MSH3: variants seen among roughly 807,000 people sequenced by gnomAD.
The protein encoded by MSH3 is mutS homolog 3.
MSH3 carries 106 observed loss-of-function variants against 123.3 expected under a neutral mutation model. The ratio of observed to expected loss-of-function variants is 0.86; its 90% CI spans 0.73 to 1.01. The LOEUF (loss-of-function observed/expected upper bound fraction) is 1.01, where lower values mean the gene tolerates loss of function less well. MSH3 is among the 50% of genes least tolerant of loss of function. The pLI, the probability that MSH3 is intolerant of heterozygous loss-of-function variation, is 0.00. For missense variants in MSH3, 1,459 were observed against 1,347.6 expected (o/e 1.08, Z -1.29); for synonymous variants, 515 against 481.4 (o/e 1.07, Z -0.91).
Position 80,776,926 on chromosome 5 carries a change from A to ATTTT in MSH3, c.2318+1169_2318+1170insTTTT, listed in dbSNP as rs1317745365. Among the ~76,000 whole-genome samples, 66 of 126,876 alleles carry ATTTT rather than the reference A, an allele frequency of 5.2e-4. No individual in the cohort carries two copies. The East Asian group carries it at 8.8e-3, about 17-fold the overall frequency. The allele number at this position is 126,876 out of a possible 152,430, so 83.2% of individuals were successfully genotyped here. On this transcript the variant is annotated intron_variant, in intron 16 of 23. Coordinates refer to ENST00000265081, the MANE Select transcript of MSH3 (RefSeq NM_002439.5). ...ATATAATACAAATATATATATATAT[A>ATTTT]TATTTTTTTTTTTTCTTTTTTTTAA...
chr5:80,818,688 T>A (rs1484287869), intron 20 of MSH3, among the ~76,000 whole-genome samples: 3 of 152,182 alleles, frequency 2.0e-5, no homozygotes, highest in African/African-American at 7.2e-5. Flanking sequence ...TAGTGATACA[T>A]GCTAAAATGT....
intron 20 of MSH3, among the ~76,000 whole-genome samples, chr5:80,848,603 A>T (rs999444101): frequency 6.6e-5 from 10 of 152,318 alleles, no homozygotes; most frequent in African/African-American, 2.2e-4. Context: ...TCTTATGTGG[A>T]TGGCAGCAGG....
chr5:80,772,954 C>A (rs1744237375), intron 15 of MSH3, among the ~76,000 whole-genome samples: 1 of 152,118 alleles, frequency 6.6e-6, no homozygotes, highest in African/African-American at 2.4e-5. Context: ...TCGCTGTTTT[C>A]CCCCCTGCAG....
intron 22 of MSH3, among the ~76,000 whole-genome samples, chr5:80,866,571 C>T (rs1342161092): frequency 1.3e-5 from 2 of 152,152 alleles, no homozygotes; most frequent in Admixed American, 1.3e-4. Flanking sequence ...TCAACACTTC[C>T]CCTTTCTGTT....
At chr5:80,828,295 C>A (rs1168443109) in intron 20 of MSH3, among the ~76,000 whole-genome samples, 2 of 152,130 alleles carry the variant, frequency 1.3e-5, no homozygotes, top group Admixed American at 6.5e-5. Context: ...GTAACCCACT[C>A]CTATGATAAC....
chr5:80,685,329 T>C (rs1750063434), intron 8 of MSH3, among the ~76,000 whole-genome samples: 1 of 151,810 alleles, frequency 6.6e-6, no homozygotes, highest in Non-Finnish European at 1.5e-5. Flanking sequence ...GACTTTATTA[T>C]GGCTTCAATC....
chr5:80,809,800 A>G (rs1259652369), intron 19 of MSH3, among the ~76,000 whole-genome samples: 2 of 152,198 alleles, frequency 1.3e-5, no homozygotes, highest in Non-Finnish European at 2.9e-5. Flanking sequence ...ACAAAATGTC[A>G]TTTGGAAGTT....
chr5:80,866,916 A>C (rs992182211), intron 22 of MSH3, among the ~76,000 whole-genome samples: 2 of 152,116 alleles, frequency 1.3e-5, no homozygotes, highest in African/African-American at 4.8e-5. Context: ...ATCTTCCTGT[A>C]CCCTCAGATA....
chr5:80,679,009 C>G lies in MSH3; in HGVS notation c.1256C>G (p.Ser419Ter), dbSNP rs578113271. 6 of 1,614,014 alleles carry G rather than the reference C, an allele frequency of 3.7e-6. No individual in the cohort carries two copies. The highest frequency in any genetic ancestry group is 5.1e-6 in the Non-Finnish European group (6 of 1,180,018). ...CGTTCAGAGCTAGAAACCCGGATGT[C>G]AAGCCTGCAGCCAGTAGAGCTGCTG... Reference protein sequence around the residue: ...ASRSELETRMSSLQPVELLLP... With the variant: ...ASRSELETRM Residue 419 changes from serine (S) to a stop codon, truncating the protein, a stop_gained, in exon 8 of 24, where the codon TCA becomes TGA. Coordinates refer to ENST00000265081, the MANE Select transcript of MSH3 (RefSeq NM_002439.5). LOFTEE classifies it high-confidence loss of function.
intron 8 of MSH3, among the ~76,000 whole-genome samples, chr5:80,683,190 A>G (rs955682826): frequency 1.3e-5 from 2 of 152,160 alleles, no homozygotes; most frequent in Non-Finnish European, 2.9e-5. Flanking sequence ...TCTCTTCTAT[A>G]TACTGATTTC....
chr5:80,872,465 T>C (rs368503238), intron 22 of MSH3, among the ~76,000 whole-genome samples: 43 of 152,190 alleles, frequency 2.8e-4, no homozygotes, highest in African/African-American at 9.9e-4. Flanking sequence ...TCAGACCCTG[T>C]CTCAGAAACA....
At chr5:80,746,764 C>T in intron 12 of MSH3, 1 of 399,582 alleles carries the variant, frequency 2.5e-6, no homozygotes, top group South Asian at 2.2e-5. Context: ...GATTGTTTGG[C>T]AATTTCCACA....
chr5:80,668,457 C>T (rs1246650743), intron 3 of MSH3, among the ~76,000 whole-genome samples: 1 of 152,162 alleles, frequency 6.6e-6, no homozygotes, highest in East Asian at 1.9e-4. Context: ...CTGAGCTGCC[C>T]TCAGCCCTCT....
At chr5:80,719,655 G>A (rs927883198) in intron 8 of MSH3, among the ~76,000 whole-genome samples, 4 of 152,076 alleles carry the variant, frequency 2.6e-5, no homozygotes, top group East Asian at 1.9e-4. Flanking sequence ...AAGGTCTTAC[G>A]TTTCTTCCCC....
chr5:80,679,241 A>G (rs531090394), intron 8 of MSH3, 148 bp downstream of exon 8: 69 of 878,344 alleles, frequency 7.9e-5, no homozygotes, highest in Middle Eastern at 3.5e-4. Context: ...AAAAAAAGTA[A>G]AACAACAAAG....
At chr5:80,683,295 A>G (rs1376217739) in intron 8 of MSH3, among the ~76,000 whole-genome samples, 1 of 152,036 alleles carries the variant, frequency 6.6e-6, no homozygotes, top group Non-Finnish European at 1.5e-5. Context: ...ACTACTCTCC[A>G]TAGTGGTTGT....
chr5:80,709,208 T>C (rs1750789525), intron 8 of MSH3, among the ~76,000 whole-genome samples: 2 of 127,396 alleles, frequency 1.6e-5, no homozygotes, highest in South Asian at 5.3e-4. Flanking sequence ...ATAAAATAGA[T>C]ATGTGTGTGT....
At chr5:80,840,703 G>A (rs987975933) in intron 20 of MSH3, among the ~76,000 whole-genome samples, 2 of 151,788 alleles carry the variant, frequency 1.3e-5, no homozygotes, top group South Asian at 2.1e-4. Flanking sequence ...CCATCAACTC[G>A]TCATTTACGT....
At chr5:80,864,639 T>G (rs1455067802) in intron 21 of MSH3, among the ~76,000 whole-genome samples, 174 bp from the exon 22 acceptor site, 1 of 152,180 alleles carries the variant, frequency 6.6e-6, no homozygotes, top group Non-Finnish European at 1.5e-5. Context: ...AAGGGAAATA[T>G]GGTAAAATAT....
Sources: allele counts gnomAD v4.1 joint callset (sites outside exome capture counted in the v4.1 genomes callset), GRCh38; gene constraint gnomAD v4.1.1; transcripts MANE v1.5; gene names NCBI Gene and HGNC (gene_info 2026-07-23, HGNC 2026-07-21).